Variants in CAMKMT observed in about 807,000 individuals in gnomAD.
CAMKMT encodes CaM KMT.
Under a neutral mutation model 48.0 loss-of-function variants are expected in CAMKMT, and 53 were observed. The observed-to-expected ratio is 1.10, with a 90% CI of 0.89 to 1.39. The LOEUF (loss-of-function observed/expected upper bound fraction) is 1.39, where lower values mean the gene tolerates loss of function less well. Ranked by LOEUF, CAMKMT falls within the 40% of genes most tolerant of loss-of-function variation. The pLI is 0.00. For synonymous variants in CAMKMT, 165 were observed against 152.3 expected, an observed-to-expected ratio of 1.08 and a Z score of -0.61; for missense variants, 428 against 402.7, an observed-to-expected ratio of 1.06 and a Z score of -0.54.
At chr2:44,745,835 A>G (rs1280005970) in intron 8 of CAMKMT, among the ~76,000 whole-genome samples, 1 of 152,210 alleles carries the variant, frequency 6.6e-6, no homozygotes, top group Non-Finnish European at 1.5e-5. Flanking sequence ...AAGTACAGTA[A>G]TATTTCTAAT....
At chr2:44,747,238 A>G (rs966099602) in intron 8 of CAMKMT, among the ~76,000 whole-genome samples, 2 of 152,062 alleles carry the variant, frequency 1.3e-5, no homozygotes, top group African/African-American at 2.4e-5. Flanking sequence ...AGTCCTTTTT[A>G]CTTTGCTCTA....
intron 9 of CAMKMT, among the ~76,000 whole-genome samples, chr2:44,756,327 C>T (rs765563709): frequency 6.6e-6 from 1 of 152,152 alleles, no homozygotes; most frequent in Non-Finnish European, 1.5e-5. Context: ...GTATACAGTC[C>T]AAGACTAAGA....
intron 3 of CAMKMT, among the ~76,000 whole-genome samples, chr2:44,650,858 A>T (rs1260115892): frequency 1.3e-5 from 2 of 152,176 alleles, no homozygotes; most frequent in East Asian, 3.8e-4. Context: ...CAAGAAAAAA[A>T]AAAAACAGTG....
chr2:44,463,479 C>G (rs698799), intron 3 of CAMKMT, among the ~76,000 whole-genome samples: 1 of 151,966 alleles, frequency 6.6e-6, no homozygotes, highest in African/African-American at 2.4e-5. Context: ...GAGAGGAAAA[C>G]AGAAAAGTGA....
intron 3 of CAMKMT, among the ~76,000 whole-genome samples, chr2:44,496,200 T>G (rs943116344): frequency 1.3e-5 from 2 of 152,266 alleles, no homozygotes; most frequent in Non-Finnish European, 2.9e-5. Flanking sequence ...ACCAGCATTA[T>G]TGTACTTTTC....
rs1677892169 is a variant in CAMKMT, at chr2:44,361,987, G to C, written c.-21G>C. 4 of 1,376,558 alleles carry C rather than the reference G, an allele frequency of 2.9e-6. No homozygotes were observed. The highest frequency in any genetic ancestry group is 3.7e-6 in the Non-Finnish European group (4 of 1,069,182). The allele number at this position is 1,376,558 out of a possible 1,614,324, so 85.3% of individuals were successfully genotyped here. On this transcript the variant is annotated 5_prime_UTR_variant, in exon 1 of 11. Transcript: ENST00000378494. ...ACGAGCTGCGGCGGTGGCACCTCCG[G>C]GTGTGGAAGGCTCCAGTGAGATGGA...
chr2:44,676,048 A>G (rs945525793), intron 3 of CAMKMT, among the ~76,000 whole-genome samples: 5 of 152,250 alleles, frequency 3.3e-5, no homozygotes, highest in Non-Finnish European at 2.9e-5. Flanking sequence ...GCATATACAT[A>G]CCATATTTTG....
In CAMKMT at chr2:44,373,851, C is replaced by T. The variant is rs185177966; in HGVS notation, c.311+963C>T. 1.1e-4 allele frequency among the ~76,000 whole-genome samples: 16 copies of T among 152,194 alleles called. No individual in the cohort carries two copies. The East Asian group carries it at 3.1e-3, about 29-fold the overall frequency. On this transcript the variant is annotated intron_variant, in intron 2 of 10. Coordinates refer to ENST00000378494, the MANE Select transcript of CAMKMT (RefSeq NM_024766.5). ...TTTTACTGAAAATGCCGGCTGGGCG[C>T]AGTGGCTCATGCCTGTAATCCTAGC... is the stretch of plus-strand genomic sequence containing the variant.
chr2:44,659,075 GT>G (rs1192483405), intron 3 of CAMKMT, among the ~76,000 whole-genome samples: 2,899 of 86,304 alleles, frequency 0.034, 23 homozygotes, highest in African/African-American at 0.046. Context: ...TGTGTGTGTA[GT>G]TTTTTTTTTT....
At chr2:44,396,493 A>T (rs1333161562) in intron 3 of CAMKMT, among the ~76,000 whole-genome samples, 2 of 152,164 alleles carry the variant, frequency 1.3e-5, no homozygotes, top group Non-Finnish European at 2.9e-5. Flanking sequence ...AATGTTCTGT[A>T]TGTACATCAA....
chr2:44,456,335 A>G (rs554774525), intron 3 of CAMKMT, among the ~76,000 whole-genome samples: 1 of 152,298 alleles, frequency 6.6e-6, no homozygotes, highest in East Asian at 1.9e-4. Flanking sequence ...CTTTCCTAAG[A>G]GAAATAACAG....
At chr2:44,441,545 G>A (rs984828744) in intron 3 of CAMKMT, among the ~76,000 whole-genome samples, 7 of 151,896 alleles carry the variant, frequency 4.6e-5, no homozygotes, top group Admixed American at 2.0e-4. Context: ...AAAAGACTGC[G>A]CTATCTTAGG....
At chr2:44,449,435 A>G (rs866441029) in intron 3 of CAMKMT, among the ~76,000 whole-genome samples, 33 of 151,772 alleles carry the variant, frequency 2.2e-4, no homozygotes, top group African/African-American at 6.0e-4. Context: ...CCCACCACTA[A>G]TTTTCTTCCC....
intron 3 of CAMKMT, among the ~76,000 whole-genome samples, chr2:44,702,396 G>T (rs984343701): frequency 6.6e-6 from 1 of 152,098 alleles, no homozygotes; most frequent in African/African-American, 2.4e-5. Flanking sequence ...CTTTGCTGGA[G>T]AATAACATTA....
intron 3 of CAMKMT, among the ~76,000 whole-genome samples, chr2:44,607,793 A>G (rs1473681503): frequency 6.6e-6 from 1 of 152,108 alleles, no homozygotes; most frequent in Non-Finnish European, 1.5e-5. Context: ...ACTTTTTTCC[A>G]AGTTATAGTG....
intron 3 of CAMKMT, among the ~76,000 whole-genome samples, chr2:44,656,220 A>G (rs1389516905): frequency 6.6e-6 from 1 of 152,200 alleles, no homozygotes; most frequent in Non-Finnish European, 1.5e-5. Flanking sequence ...AATGTTATTT[A>G]TTGGAAATAT....
intron 3 of CAMKMT, among the ~76,000 whole-genome samples, chr2:44,626,328 A>G (rs763514567): frequency 6.6e-6 from 1 of 151,890 alleles, no homozygotes; most frequent in African/African-American, 2.4e-5. Flanking sequence ...TCATTTTCCA[A>G]TTGTTTAGTG....
At chr2:44,574,370 C>T (rs911421117) in intron 3 of CAMKMT, among the ~76,000 whole-genome samples, 6 of 152,106 alleles carry the variant, frequency 3.9e-5, no homozygotes, top group East Asian at 3.8e-4. Context: ...GTTATAGCTG[C>T]GGCCCCTAAT....
chr2:44,748,020 A>C (rs1240995769), intron 8 of CAMKMT, among the ~76,000 whole-genome samples: 1 of 152,194 alleles, frequency 6.6e-6, no homozygotes, highest in African/African-American at 2.4e-5. Flanking sequence ...AGATCCACTT[A>C]AGCTACTGCT....
Sources: gnomAD v4.1 joint callset for allele counts (sites outside exome capture counted in the v4.1 genomes callset) on GRCh38, gnomAD v4.1.1 for gene constraint, MANE v1.5 for transcripts, NCBI Gene and HGNC (gene_info 2026-07-23, HGNC 2026-07-21) for gene names.